The following CASQ2 variants were observed in gnomAD, a reference collection of about 807,000 sequenced individuals.
CASQ2 encodes calsequestrin-2.
CASQ2 carries 49 observed loss-of-function variants against 46.5 expected under a neutral mutation model. That is an observed-to-expected ratio of 1.05 (90% CI 0.84 to 1.34). The LOEUF (loss-of-function observed/expected upper bound fraction) is 1.34, where lower values mean the gene tolerates loss of function less well. CASQ2 is among the 40% of genes most tolerant of loss of function. The pLI is 0.00. For missense variants in CASQ2, 486 were observed against 481.3 expected (o/e 1.01, Z -0.09); for synonymous variants, 174 against 168.5 (o/e 1.03, Z -0.25).
rs929021679 is a variant in CASQ2, at chr1:115,719,081, A to T, written c.784-1187T>A. On this transcript the variant is annotated intron_variant, in intron 7 of 10. Transcript: ENST00000261448. ...TTTCAATTGATTTTAATGCTGGCGC[A>T]ATCCTATCTAAATGCTAATTTTTTT... Among the ~76,000 whole-genome samples, 10 of 152,312 alleles carry T rather than the reference A, an allele frequency of 6.6e-5. No homozygotes were observed. The East Asian group carries it at 1.9e-3, about 29-fold the overall frequency.
At chr1:115,745,003 G>T (rs1401040859) in intron 1 of CASQ2, 91 bp from the exon 2 acceptor site, 7 of 928,014 alleles carry the variant, frequency 7.5e-6, no homozygotes, top group South Asian at 5.4e-5. Context: ...TCAATGGAAG[G>T]GTTTCCTCTA....
chr1:115,754,219 A>G (rs921759941), intron 1 of CASQ2, among the ~76,000 whole-genome samples: 3 of 152,302 alleles, frequency 2.0e-5, no homozygotes, highest in East Asian at 3.9e-4. Flanking sequence ...GGCTGGCTCA[A>G]TGAAGGGACG....
At chr1:115,723,993 A>C (rs1647484052) in intron 7 of CASQ2, among the ~76,000 whole-genome samples, 4 of 152,224 alleles carry the variant, frequency 2.6e-5, no homozygotes, top group Admixed American at 2.6e-4. Context: ...CATCCAAGTA[A>C]GTTACAGACC....
intron 1 of CASQ2, among the ~76,000 whole-genome samples, chr1:115,749,741 G>A (rs1428228458): frequency 6.6e-6 from 1 of 152,232 alleles, no homozygotes; most frequent in Non-Finnish European, 1.5e-5. Flanking sequence ...GCAGGAGTCT[G>A]TCTACCTCTC....
intron 8 of CASQ2, among the ~76,000 whole-genome samples, chr1:115,716,254 C>T (rs1267472515): frequency 6.6e-6 from 1 of 152,238 alleles, no homozygotes; most frequent in Non-Finnish European, 1.5e-5. Context: ...TCCTGCACTT[C>T]ACTCTCCACT....
intron 5 of CASQ2, 66 bp from the exon 6 acceptor site, chr1:115,727,188 A>G (rs2101079336): frequency 1.6e-6 from 2 of 1,226,020 alleles, no homozygotes; most frequent in East Asian, 2.3e-5. Flanking sequence ...TGTGTTGTCC[A>G]TCTAAGATAA....
intron 5 of CASQ2, among the ~76,000 whole-genome samples, chr1:115,731,649 A>T (rs1647788235): frequency 6.6e-6 from 1 of 152,246 alleles, no homozygotes; most frequent in African/African-American, 2.4e-5. Flanking sequence ...GTAAAGTAGG[A>T]CAGAGCATTG....
intron 1 of CASQ2, among the ~76,000 whole-genome samples, chr1:115,751,344 T>A (rs1489813370): frequency 6.6e-6 from 1 of 151,958 alleles, no homozygotes; most frequent in Non-Finnish European, 1.5e-5. Flanking sequence ...AAGGGCCTTG[T>A]GATTTAAGGA....
At chr1:115,744,333 C>G (rs1313881448) in intron 2 of CASQ2, among the ~76,000 whole-genome samples, 2 of 152,134 alleles carry the variant, frequency 1.3e-5, no homozygotes, top group Non-Finnish European at 2.9e-5. Flanking sequence ...CCCCTCTCAT[C>G]CTTGGTGATA....
intron 5 of CASQ2, among the ~76,000 whole-genome samples, chr1:115,727,785 A>C (rs1436429517): frequency 2.0e-5 from 3 of 152,178 alleles, no homozygotes; most frequent in Non-Finnish European, 4.4e-5. Flanking sequence ...TTCAGTACTG[A>C]AACTTGGACA....
At chr1:115,725,871 A>G (rs981426788) in intron 6 of CASQ2, among the ~76,000 whole-genome samples, 7 of 152,118 alleles carry the variant, frequency 4.6e-5, no homozygotes, top group Admixed American at 2.0e-4. Context: ...TTCCTTCCTC[A>G]CAGATAGCCA....
At chr1:115,763,407 CCT>C (rs1649027417) in intron 1 of CASQ2, among the ~76,000 whole-genome samples, 1 of 152,084 alleles carries the variant, frequency 6.6e-6, no homozygotes, top group Non-Finnish European at 1.5e-5. Flanking sequence ...ACTCACTCCT[CCT>C]CTCTAGCCCC....
intron 1 of CASQ2, among the ~76,000 whole-genome samples, chr1:115,765,895 G>A (rs1055303878): frequency 6.6e-6 from 1 of 152,208 alleles, no homozygotes; most frequent in Non-Finnish European, 1.5e-5. Context: ...TAGTGCAAGT[G>A]TGGGGTCTAG....
chr1:115,710,750 C>A (rs1557786868), intron 8 of CASQ2, among the ~76,000 whole-genome samples: 2 of 152,276 alleles, frequency 1.3e-5, no homozygotes, highest in South Asian at 2.1e-4. Flanking sequence ...AATAAAGAGA[C>A]CTGGAGCTGT....
chr1:115,761,059 G>A (rs1175989480), intron 1 of CASQ2, among the ~76,000 whole-genome samples: 2 of 152,010 alleles, frequency 1.3e-5, no homozygotes, highest in Admixed American at 1.3e-4. Context: ...CATAGATTTT[G>A]TAGGTCAGTG....
chr1:115,722,162 A>G (rs894026519), intron 7 of CASQ2, among the ~76,000 whole-genome samples: 2 of 152,190 alleles, frequency 1.3e-5, no homozygotes, highest in Admixed American at 6.5e-5. Flanking sequence ...GTTCCTGGGT[A>G]AGACATGAGG....
intron 1 of CASQ2, among the ~76,000 whole-genome samples, chr1:115,761,829 A>C (rs1473993213): frequency 6.6e-6 from 1 of 151,466 alleles, no homozygotes; most frequent in Non-Finnish European, 1.5e-5. Context: ...TACAGGGCTT[A>C]ATAGATAATC....
chr1:115,763,372 C>T (rs1029600386), intron 1 of CASQ2, among the ~76,000 whole-genome samples: 5 of 152,054 alleles, frequency 3.3e-5, no homozygotes, highest in Admixed American at 6.6e-5. Flanking sequence ...AGGAGTACAT[C>T]GAGAGCGACC....
At chr1:115,711,331 G>A (rs541504982) in intron 8 of CASQ2, among the ~76,000 whole-genome samples, 12 of 152,296 alleles carry the variant, frequency 7.9e-5, no homozygotes, top group African/African-American at 2.9e-4. Context: ...ACAGCTTAGA[G>A]GTTGTGTCTA....
Sources: gnomAD v4.1 joint callset for allele counts (sites outside exome capture counted in the v4.1 genomes callset) on GRCh38, gnomAD v4.1.1 for gene constraint, MANE v1.5 for transcripts, NCBI Gene and HGNC (gene_info 2026-07-23, HGNC 2026-07-21) for gene names.